COX5A: variants seen among roughly 807,000 people sequenced by gnomAD.
COX5A encodes cytochrome c oxidase subunit 5A, mitochondrial.
Under a neutral mutation model 16.1 loss-of-function variants are expected in COX5A, and 6 were observed. That is an observed-to-expected ratio of 0.37 (90% CI 0.20 to 0.73). COX5A has a LOEUF of 0.73. Ranked by LOEUF, COX5A falls within the 30% of genes least tolerant of loss-of-function variation. The probability of loss-of-function intolerance (pLI) is 0.50; values close to 1 mark genes in which losing one functional copy is unlikely to be tolerated. For synonymous variants in COX5A, 73 were observed against 73.8 expected, an observed-to-expected ratio of 0.99 and a Z score of 0.06; for missense variants, 159 against 194.9, an observed-to-expected ratio of 0.82 and a Z score of 1.10.
chr15:74,920,049 T>G lies in COX5A; in HGVS notation c.*403A>C, dbSNP rs539756486. On this transcript the variant is annotated 3_prime_UTR_variant, in exon 5 of 5. Coordinates refer to ENST00000322347, the MANE Select transcript of COX5A (RefSeq NM_004255.4). ...CTATCCCCACAGACAACCAGTCCCC[T>G]AAGCCTAGGGTGTCAACAAGAAAAT... is the stretch of plus-strand genomic sequence containing the variant. The G allele has an allele frequency of 7.5e-5, 24 of 318,650 alleles. No individual in the cohort carries two copies. The East Asian group carries it at 1.7e-3, about 22-fold the overall frequency. 19.7% of individuals were successfully genotyped at this position (318,650 alleles called of 1,614,324 possible).
chr15:74,935,197 A>G (rs1051238254), intron 1 of COX5A, among the ~76,000 whole-genome samples: 2 of 151,834 alleles, frequency 1.3e-5, no homozygotes, highest in African/African-American at 4.8e-5. Flanking sequence ...TGGGAGGCTG[A>G]GGTGGAAGGA....
chr15:74,924,188 G>C (rs992825508), intron 3 of COX5A, among the ~76,000 whole-genome samples: 2 of 151,600 alleles, frequency 1.3e-5, no homozygotes, highest in African/African-American at 4.8e-5. Flanking sequence ...CTCAAAAAAC[G>C]AAACAAAACA....
At chr15:74,937,573 C>T (rs2065397024) in intron 1 of COX5A, 2 of 210,384 alleles carry the variant, frequency 9.5e-6, no homozygotes, top group Admixed American at 6.0e-5. Flanking sequence ...AGGCCGGCGG[C>T]GGCCACTCTC....
Position 74,930,053 on chromosome 15 carries a change from T to G in COX5A, c.101-821A>C, listed in dbSNP as rs567863036. Among the ~76,000 whole-genome samples, 13 of 149,644 alleles carry G rather than the reference T, an allele frequency of 8.7e-5. No individual in the cohort carries two copies. In the East Asian group the frequency reaches 1.2e-3, roughly 14 times the overall value. ...GAGATCACACCACTGCACTCCAGCC[T>G]GGGCGACAGAGCAAGACTCCAACTC... On this transcript the variant is annotated intron_variant, in intron 1 of 4. Coordinates refer to ENST00000322347, the MANE Select transcript of COX5A (RefSeq NM_004255.4).
At chr15:74,934,240 C>T (rs2065379225) in intron 1 of COX5A, among the ~76,000 whole-genome samples, 1 of 152,168 alleles carries the variant, frequency 6.6e-6, no homozygotes, top group Non-Finnish European at 1.5e-5. Context: ...TAGAGCAACA[C>T]TCTATATCAA....
intron 3 of COX5A, 58 bp from the exon 4 acceptor site, chr15:74,923,828 A>C: frequency 8.8e-7 from 1 of 1,136,892 alleles, no homozygotes; most frequent in Non-Finnish European, 1.3e-6. Flanking sequence ...CTATTAATTC[A>C]TGAAATGAAC....
intron 2 of COX5A, among the ~76,000 whole-genome samples, chr15:74,927,317 C>T (rs2065348840): frequency 6.6e-6 from 1 of 152,052 alleles, no homozygotes. Flanking sequence ...GCTGGGATTA[C>T]AGGCGGGTGC....
chr15:74,922,996 C>A (rs1288744477), intron 4 of COX5A, among the ~76,000 whole-genome samples: 1 of 152,066 alleles, frequency 6.6e-6, no homozygotes, highest in Non-Finnish European at 1.5e-5. Flanking sequence ...AATGTGGCAA[C>A]AATAAAAGTA....
intron 4 of COX5A, 98 bp from the exon 5 acceptor site, chr15:74,920,540 G>C (rs577942485): frequency 2.8e-5 from 18 of 654,244 alleles, no homozygotes; most frequent in Non-Finnish European, 4.6e-5. Flanking sequence ...GGAAATCACT[G>C]TCTCTCTGTA....
intron 1 of COX5A, among the ~76,000 whole-genome samples, chr15:74,937,030 AATAAAAT>A (rs895983744): frequency 6.6e-6 from 1 of 152,132 alleles, no homozygotes; most frequent in African/African-American, 2.4e-5. Context: ...CAGGTTCAAA[AATAAAAT>A]ATAATATGCA....
At chr15:74,932,242 C>G (rs1437697395) in intron 1 of COX5A, among the ~76,000 whole-genome samples, 1 of 152,086 alleles carries the variant, frequency 6.6e-6, no homozygotes, top group African/African-American at 2.4e-5. Context: ...GAAATGAAAC[C>G]TATCTCAAAT....
At chr15:74,923,476 A>G in intron 4 of COX5A, 172 bp downstream of exon 4, 4 of 517,126 alleles carry the variant, frequency 7.7e-6, no homozygotes, top group Non-Finnish European at 1.4e-5. Flanking sequence ...ACAACTAGAA[A>G]TCATTTCAGT....
In COX5A at chr15:74,937,948, G is replaced by A. The variant is rs760858453; in HGVS notation, c.67C>T (p.Leu23=). The change falls in exon 1 of 5, where the codon CTG becomes TTG. Residue 23 remains leucine, a synonymous_variant. Coordinates refer to ENST00000322347, the MANE Select transcript of COX5A (RefSeq NM_004255.4). The part of the protein sequence containing the change: ...ATTRADPRGL[L]HSARTPGPAV... Reference sequence around the variant, plus strand: ...GGGCCGGGGGTCCGGGCGGAGTGCAGGAGGCCTCGAGGGTCGGCCCGGGTG... The same window carrying A: ...GGGCCGGGGGTCCGGGCGGAGTGCAAGAGGCCTCGAGGGTCGGCCCGGGTG... 1 of 1,233,020 alleles carries A rather than the reference G, an allele frequency of 8.1e-7. No homozygotes were observed. Among genetic ancestry groups the A allele is most frequent in the Non-Finnish European group, 1.0e-6 (1 of 987,808 alleles). 76.4% of individuals were successfully genotyped at this position (1,233,020 alleles called of 1,614,324 possible).
At chr15:74,934,218 T>C (rs1400787843) in intron 1 of COX5A, among the ~76,000 whole-genome samples, 2 of 152,108 alleles carry the variant, frequency 1.3e-5, no homozygotes, top group Non-Finnish European at 2.9e-5. Context: ...CACTGCACTC[T>C]AGCCTAGGTG....
chr15:74,926,940 T>A, intron 2 of COX5A, 53 bp from the exon 3 acceptor site: 1 of 1,574,448 alleles, frequency 6.4e-7, no homozygotes, highest in Non-Finnish European at 8.6e-7. Context: ...TCACTTAAAC[T>A]ATGAGTTATT....
intron 2 of COX5A, 22 bp downstream of exon 2, chr15:74,929,094 A>T: frequency 6.6e-7 from 1 of 1,507,742 alleles, no homozygotes; most frequent in Non-Finnish European, 9.2e-7. Flanking sequence ...AAAATAGACA[A>T]ATATGTTTAT....
rs907704159 is a variant in COX5A at position 74,928,576 on chromosome 15, G to A, written c.217+540C>T. ...ATTTTTTTGTATTTTTAGTAGAGAC[G>A]GGGTTTCACCATGTTAGCCAGAATG... On this transcript the variant is annotated intron_variant, in intron 2 of 4. Transcript: ENST00000322347. Among the ~76,000 whole-genome samples, 8 of 152,034 alleles carry A rather than the reference G, an allele frequency of 5.3e-5. No individual in the cohort carries two copies. The East Asian group carries it at 7.7e-4, about 15-fold the overall frequency.
chr15:74,926,032 A>ATTTTT (rs755631696), intron 3 of COX5A, among the ~76,000 whole-genome samples: 5 of 107,662 alleles, frequency 4.6e-5, no homozygotes, highest in Non-Finnish European at 7.5e-5. Context: ...TGCCCAGCTA[A>ATTTTT]TTTTTTTTTT....
At position 74,920,395 on chromosome 15, in the gene COX5A, CTG is replaced by C. The variant is rs1432006784; in HGVS notation, c.*55_*56del. On this transcript the variant is annotated 3_prime_UTR_variant, in exon 5 of 5. Coordinates refer to ENST00000322347, the MANE Select transcript of COX5A (RefSeq NM_004255.4). ...TGTTATCATCAGTATTTCCAGGTAA[CTG>C]TTCACACTCAAGTAGCAATGTCAAT... 5 of 695,158 alleles carry C rather than the reference CTG, an allele frequency of 7.2e-6. No individual in the cohort carries two copies. Among genetic ancestry groups the C allele is most frequent in the African/African-American group, 3.5e-5 (2 of 57,046 alleles). 43.1% of individuals were successfully genotyped at this position (695,158 alleles called of 1,614,324 possible).
Sources: allele counts gnomAD v4.1 joint callset (sites outside exome capture counted in the v4.1 genomes callset), GRCh38; gene constraint gnomAD v4.1.1; transcripts MANE v1.5; gene names NCBI Gene and HGNC (gene_info 2026-07-23, HGNC 2026-07-21).